CHRNB4: variants seen among roughly 807,000 people sequenced by gnomAD.
The protein encoded by CHRNB4 is neuronal acetylcholine receptor subunit beta-4.
In CHRNB4, 23 loss-of-function variants were observed where a neutral mutation model predicts 40.4. The observed-to-expected ratio is 0.57, with a 90% confidence interval of 0.41 to 0.81. The LOEUF (loss-of-function observed/expected upper bound fraction) is 0.81. CHRNB4 is among the 30% of genes least tolerant of loss of function. The pLI is 0.00. For synonymous variants in CHRNB4, 285 were observed against 274.4 expected (o/e 1.04, Z -0.38); for missense variants, 568 against 670.6 (o/e 0.85, Z 1.69).
chr15:78,651,629 T>C lies in CHRNB4; in HGVS notation c.-16+949A>G, dbSNP rs557807808. On this transcript the variant is annotated intron_variant and NMD_transcript_variant, in intron 6 of 11. Coordinates refer to the CHRNB4 transcript ENST00000559849. ...CCCCACACCTCTACTTCCCAGCCCCTCCACAATCATGTAAGGTCTAATTGT... is the reference window on the plus strand; with the variant it reads ...CCCCACACCTCTACTTCCCAGCCCCCCCACAATCATGTAAGGTCTAATTGT... 4.6e-5 allele frequency among the ~76,000 whole-genome samples: 7 copies of C among 152,254 alleles called. No individual in the cohort carries two copies. The South Asian group carries it at 1.5e-3, about 32-fold the overall frequency.
At chr15:78,628,306 G>A (rs1258119833) in intron 5 of CHRNB4, 1 of 152,314 alleles carries the variant, frequency 6.6e-6, no homozygotes, top group Non-Finnish European at 1.5e-5. Context: ...TTGCAAGTCT[G>A]AACAGAATAG....
At chr15:78,648,319 A>T (rs1336071134) in intron 7 of CHRNB4, among the ~76,000 whole-genome samples, 1 of 144,400 alleles carries the variant, frequency 6.9e-6, no homozygotes, top group African/African-American at 2.6e-5. Flanking sequence ...CATGAACCTG[A>T]GAGACGGAGC....
intron 5 of CHRNB4, chr15:78,628,017 T>G (rs1236140456): frequency 6.6e-6 from 1 of 152,028 alleles, no homozygotes; most frequent in African/African-American, 2.4e-5. Flanking sequence ...AATACAAAAA[T>G]TAGCCAGGTG....
chr15:78,640,980 C>A (rs1213077721), intron 1 of CHRNB4, 99 bp downstream of exon 1: 3 of 1,350,168 alleles, frequency 2.2e-6, no homozygotes, highest in South Asian at 2.6e-5. Flanking sequence ...GCCACTCCCC[C>A]GGGCGCAGGG....
chr15:78,628,948 G>A lies in CHRNB4; in HGVS notation c.1338+19C>T. 1.3e-6 allele frequency: 2 copies of A among 1,596,210 alleles called. No homozygotes were observed. The highest frequency in any genetic ancestry group is 1.7e-6 in the Non-Finnish European group (2 of 1,167,804). On this transcript the variant is annotated intron_variant, in intron 5 of 5. Transcript: ENST00000261751. ...CCCTTTCTGTTGGGCAGGTGGGCAG[G>A]GGCTGGTTAGCAACTTACACTCTGG...
At chr15:78,650,128 C>T (rs890272635) in intron 6 of CHRNB4, among the ~76,000 whole-genome samples, 21 of 152,212 alleles carry the variant, frequency 1.4e-4, no homozygotes, top group African/African-American at 5.1e-4. Flanking sequence ...GCCCCAGCTG[C>T]AGGCTGAGCA....
upstream of CHRNB4, chr15:78,661,057 C>G: frequency 1.7e-6 from 1 of 592,354 alleles, no homozygotes; most frequent in Non-Finnish European, 3.3e-6. Flanking sequence ...TTTGTAGTCT[C>G]GGCTGGCCCT....
rs1438205379 is a variant in CHRNB4 at position 78,641,139 on chromosome 15, G to C, written c.-6C>G. ...AGGGAAGGCGCGCGCCTCATGGCCGGCGGGGCCGGGTGGCAGCCGCCGCGA... is the reference window on the plus strand; with the variant it reads ...AGGGAAGGCGCGCGCCTCATGGCCGCCGGGGCCGGGTGGCAGCCGCCGCGA... On this transcript the variant is annotated 5_prime_UTR_variant, in exon 1 of 6. Transcript: ENST00000261751. 1.3e-6 allele frequency: 2 copies of C among 1,553,702 alleles called. No individual in the cohort carries two copies. The highest frequency in any genetic ancestry group is 3.9e-5 in the Admixed American group (2 of 51,162).
At chr15:78,646,516 G>A (rs982990014) in intron 7 of CHRNB4, among the ~76,000 whole-genome samples, 1 of 152,186 alleles carries the variant, frequency 6.6e-6, no homozygotes, top group African/African-American at 2.4e-5. Flanking sequence ...AACAACACAC[G>A]TTGATTTCTC....
At chr15:78,647,688 TCC>T (rs747828738) in intron 7 of CHRNB4, among the ~76,000 whole-genome samples, 37 of 60,426 alleles carry the variant, frequency 6.1e-4, no homozygotes, top group African/African-American at 8.3e-4. Context: ...CTACTAAAAA[TCC>T]AAAAAAAAAA....
At chr15:78,660,052 C>T (rs1489131611) in intron 1 of CHRNB4, among the ~76,000 whole-genome samples, 5 of 151,932 alleles carry the variant, frequency 3.3e-5, no homozygotes, top group Non-Finnish European at 7.4e-5. Context: ...ACTAATAATA[C>T]AAAAATTAGC....
chr15:78,661,063 G>A (rs555014834), upstream of CHRNB4: 2 of 595,686 alleles, frequency 3.4e-6, no homozygotes, highest in Non-Finnish European at 6.5e-6. Flanking sequence ...GTCTCGGCTG[G>A]CCCTTTGACC....
chr15:78,628,461 C>G (rs1330513296), intron 5 of CHRNB4, among the ~76,000 whole-genome samples: 1 of 152,226 alleles, frequency 6.6e-6, no homozygotes, highest in Non-Finnish European at 1.5e-5. Context: ...TTCTGGCAGG[C>G]TGGCATTACC....
At chr15:78,657,137 G>A (rs1329097085) in intron 3 of CHRNB4, among the ~76,000 whole-genome samples, 2 of 151,704 alleles carry the variant, frequency 1.3e-5, no homozygotes, top group Admixed American at 1.3e-4. Context: ...TGCTTCTCCT[G>A]CCTCAGCCTC....
intron 4 of CHRNB4, among the ~76,000 whole-genome samples, chr15:78,630,382 C>T (rs1168722171): frequency 6.6e-6 from 1 of 152,148 alleles, no homozygotes; most frequent in African/African-American, 2.4e-5. Flanking sequence ...AGGTGATCCA[C>T]CCGCCTCGGC....
Position 78,631,149 on chromosome 15 carries a change from G to C in CHRNB4, c.286C>G (p.Arg96Gly), listed in dbSNP as rs373299350. The change falls in exon 4 of 6, where the codon CGC becomes GGC. Residue 96 changes from arginine to glycine, a missense_variant. Around this residue, in one of 4 missense-constraint regions of CHRNB4, gnomAD observed 161 missense variants for 148.1 expected, o/e 1.09. Transcript: ENST00000261751. ...CTCAGGATGTTCACACCCTCGTAGC[G>C]GGAGCTGTTCCAGGTCAGGCGGTAA... ...TDYRLTWNSS[R>G]YEGVNILRIP... is the part of the protein sequence containing the mutation. 6.2e-7 allele frequency: 1 copy of C among 1,614,244 alleles called. No homozygotes were observed. The highest frequency in any genetic ancestry group is 1.3e-5 in the African/African-American group (1 of 75,070).
intron 7 of CHRNB4, among the ~76,000 whole-genome samples, chr15:78,648,777 A>AAGAG (rs2054148228): frequency 6.8e-6 from 1 of 146,158 alleles, no homozygotes; most frequent in African/African-American, 2.6e-5. Context: ...AAAAAAAAGT[A>AAGAG]GATATCTTAT....
Position 78,635,353 on chromosome 15 carries a change from C to G in CHRNB4, c.204+86G>C. The G allele has an allele frequency of 2.0e-6, 3 of 1,529,080 alleles. No homozygotes were observed. In the South Asian group the frequency reaches 3.7e-5, roughly 19 times the overall value. 94.7% of individuals were successfully genotyped at this position (1,529,080 alleles called of 1,614,324 possible). ...AAGTCTAAGTCAACTATAGTAGTTT[C>G]ATTCCTTTGACCAATGATCGCCTGG... On this transcript the variant is annotated intron_variant, in intron 2 of 5. Coordinates refer to ENST00000261751, the MANE Select transcript of CHRNB4 (RefSeq NM_000750.5).
chr15:78,641,311 C>T, upstream of CHRNB4: 1 of 528,666 alleles, frequency 1.9e-6, no homozygotes. Context: ...ATGTACTGGG[C>T]CCGCTGCTCC....
Sources: allele counts gnomAD v4.1 joint callset (sites outside exome capture counted in the v4.1 genomes callset), GRCh38; gene constraint gnomAD v4.1.1; regional missense constraint gnomAD v4.1.1; transcripts MANE v1.5; gene names NCBI Gene and HGNC (gene_info 2026-07-23, HGNC 2026-07-21).